KPNA6: variants seen among roughly 807,000 people sequenced by gnomAD.
KPNA6 encodes the protein importin subunit alpha-7.
In KPNA6, 9 loss-of-function variants were observed where a neutral mutation model predicts 72.0. That is an observed-to-expected ratio of 0.13 (90% CI 0.08 to 0.22). KPNA6 has a LOEUF of 0.22. Ranked by LOEUF, KPNA6 falls within the 10% of genes least tolerant of loss-of-function variation. KPNA6 has a pLI of 1.00. For synonymous variants in KPNA6, 219 were observed against 242.1 expected (o/e 0.90, Z 0.89); for missense variants, 374 against 655.7 (o/e 0.57, Z 4.69).
intron 10 of KPNA6, among the ~76,000 whole-genome samples, chr1:32,164,370 T>C (rs1286523973): frequency 1.3e-5 from 2 of 152,234 alleles, no homozygotes; most frequent in Non-Finnish European, 2.9e-5. Context: ...TACAAATATT[T>C]GTTCAAGTCC....
intron 10 of KPNA6, among the ~76,000 whole-genome samples, chr1:32,164,556 GT>G (rs1163309764): frequency 6.9e-6 from 1 of 145,608 alleles, no homozygotes; most frequent in Non-Finnish European, 1.5e-5. Context: ...TCCGTTTTTT[GT>G]TTTTTGTTTT....
At chr1:32,125,499 C>T (rs1236746492) in intron 1 of KPNA6, among the ~76,000 whole-genome samples, 3 of 152,222 alleles carry the variant, frequency 2.0e-5, no homozygotes, top group Non-Finnish European at 2.9e-5. Context: ...TCCCCAGTCA[C>T]GGCCATCTGG....
At chr1:32,164,624 T>A (rs987800471) in intron 10 of KPNA6, among the ~76,000 whole-genome samples, 1 of 152,026 alleles carries the variant, frequency 6.6e-6, no homozygotes, top group Non-Finnish European at 1.5e-5. Context: ...GTGGTTTTGA[T>A]TTGCATTTTT....
intron 1 of KPNA6, among the ~76,000 whole-genome samples, chr1:32,123,028 A>G (rs566663664): frequency 1.3e-5 from 2 of 151,924 alleles, no homozygotes; most frequent in African/African-American, 2.4e-5. Flanking sequence ...TATAATGTCT[A>G]GGCAAGAGAT....
Position 32,115,083 on chromosome 1 carries a change from G to A in KPNA6, c.4+6949G>A, listed in dbSNP as rs186945456. Among the ~76,000 whole-genome samples, 394 of 151,618 alleles carry A rather than the reference G, an allele frequency of 2.6e-3. 1 individual carries two copies. Among genetic ancestry groups the A allele is most frequent in the African/African-American group, 9.3e-3 (385 of 41,342 alleles). ...TCGAACTCCTGACCTCAAGTGATCCGCCCACCTCAGCCTCCCAAAGTGCTG... is the reference window on the plus strand; with the variant it reads ...TCGAACTCCTGACCTCAAGTGATCCACCCACCTCAGCCTCCCAAAGTGCTG... On this transcript the variant is annotated intron_variant, in intron 1 of 13. Transcript: ENST00000373625.
intron 1 of KPNA6, among the ~76,000 whole-genome samples, chr1:32,129,745 T>A (rs1641604220): frequency 6.6e-6 from 1 of 152,088 alleles, no homozygotes; most frequent in Non-Finnish European, 1.5e-5. Flanking sequence ...TTATTTTTAG[T>A]AGAGACGAGG....
intron 1 of KPNA6, among the ~76,000 whole-genome samples, chr1:32,109,114 C>T (rs1641199005): frequency 6.6e-6 from 1 of 152,120 alleles, no homozygotes; most frequent in African/African-American, 2.4e-5. Flanking sequence ...AGTAACTTAC[C>T]CAAGGTCATG....
Position 32,167,287 on chromosome 1 carries a change from A to G in KPNA6, c.1235A>G (p.Glu412Gly). The change falls in exon 12 of 14, where the codon GAG becomes GGG. Residue 412 changes from glutamate (E) to glycine (G), a missense_variant. Physicochemically the swap from Glu to Gly is moderately conservative, Grantham distance 98. Coordinates refer to ENST00000373625, the MANE Select transcript of KPNA6 (RefSeq NM_012316.5). ...AATGCCACATCAGGAGGAACCCCTG[A>G]GCAGATCAGGTATTACATTCCTTTC... Reference protein sequence around the residue: ...ITNATSGGTPEQIRYLVSLGC... With the variant: ...ITNATSGGTPGQIRYLVSLGC... The G allele has an allele frequency of 6.2e-7, 1 of 1,614,074 alleles. No individual in the cohort carries two copies. The highest frequency in any genetic ancestry group is 2.2e-5 in the East Asian group (1 of 44,862).
In KPNA6 at chr1:32,108,203, G is replaced by A. The variant is rs374492380; in HGVS notation, c.4+69G>A. On this transcript the variant is annotated intron_variant, in intron 1 of 13. Coordinates refer to ENST00000373625, the MANE Select transcript of KPNA6 (RefSeq NM_012316.5). ...TGTCGGGGCCTGGGATTTGGCGAGA[G>A]CCTGTCTCCGGTCTGCGGAAGATGT... 41 of 1,604,122 alleles carry A rather than the reference G, an allele frequency of 2.6e-5. No homozygotes were observed. The African/African-American group carries it at 5.1e-4, about 20-fold the overall frequency.
chr1:32,155,024 T>G (rs184680060), intron 2 of KPNA6, among the ~76,000 whole-genome samples: 2 of 147,706 alleles, frequency 1.4e-5, no homozygotes, highest in Non-Finnish European at 3.0e-5. Context: ...AGCAGGAGAA[T>G]TGCTTGAACC....
chr1:32,122,605 C>T (rs912659151), intron 1 of KPNA6, among the ~76,000 whole-genome samples: 5 of 151,824 alleles, frequency 3.3e-5, no homozygotes, highest in East Asian at 1.9e-4. Flanking sequence ...TGCAACTTAG[C>T]GAGACCCTTT....
chr1:32,173,208 C>A lies in KPNA6; in HGVS notation c.*2314C>A. On this transcript the variant is annotated 3_prime_UTR_variant, in exon 14 of 14. Transcript: ENST00000373625. ...AAAAAAAAAAAAGCCTTCCCCTACC[C>A]AACCTCCGCCCATTGTTCTCTTCCA... The A allele has an allele frequency of 5.1e-6, 2 of 392,828 alleles. No individual in the cohort carries two copies. Among genetic ancestry groups the A allele is most frequent in the South Asian group, 2.6e-4 (2 of 7,638 alleles). 24.3% of individuals were successfully genotyped at this position (392,828 alleles called of 1,614,324 possible).
Position 32,169,776 on chromosome 1 carries a change from TA to T in KPNA6, c.1245-99del, listed in dbSNP as rs547557508. On this transcript the variant is annotated intron_variant, in intron 12 of 13. Coordinates refer to ENST00000373625, the MANE Select transcript of KPNA6 (RefSeq NM_012316.5). ...CGCTCGGCCTCACAATTCTTAAAAA[TA>T]AAAAAATAAATTAGTAAGAGTGGGT... 1.8e-4 allele frequency: 194 copies of T among 1,073,936 alleles called. No homozygotes were observed. The African/African-American group carries it at 2.7e-3, about 15-fold the overall frequency. The allele number at this position is 1,073,936 out of a possible 1,614,324, so 66.5% of individuals were successfully genotyped here.
rs775370186 is a variant in KPNA6 at position 32,167,175 on chromosome 1, A to G, written c.1123A>G (p.Ile375Val). ...AGNRAQIQAVIDANIFPVLIE... is the reference protein window; with the variant it reads ...AGNRAQIQAVVDANIFPVLIE... ...CCTCTCAATTCTCTCTCAGGCTGTT[A>G]TAGATGCAAATATCTTCCCTGTGTT... is the stretch of plus-strand genomic sequence containing the variant. Residue 375 changes from isoleucine to valine, a missense_variant, in exon 12 of 14, where the codon ATA (isoleucine) becomes GTA (valine). Around this residue, in one of 3 missense-constraint regions of KPNA6, gnomAD observed 298 missense variants for 495.4 expected, o/e 0.60. Coordinates refer to ENST00000373625, the MANE Select transcript of KPNA6 (RefSeq NM_012316.5). 54 of 1,613,822 alleles carry G rather than the reference A, an allele frequency of 3.3e-5. No homozygotes were observed. Among genetic ancestry groups the G allele is most frequent in the Non-Finnish European group, 4.5e-5 (53 of 1,179,902 alleles).
chr1:32,116,065 C>A (rs950557147), intron 1 of KPNA6, among the ~76,000 whole-genome samples: 1 of 152,112 alleles, frequency 6.6e-6, no homozygotes, highest in Admixed American at 6.6e-5. Flanking sequence ...ATGAACCAGT[C>A]TCGTTAGAGC....
chr1:32,164,898 A>G (rs899413545), intron 10 of KPNA6, among the ~76,000 whole-genome samples: 7 of 151,732 alleles, frequency 4.6e-5, no homozygotes, highest in African/African-American at 1.7e-4. Context: ...CTTTTAACTT[A>G]TTTAATTTTT....
chr1:32,159,295 G>T, intron 5 of KPNA6, 105 bp from the exon 6 acceptor site: 3 of 1,275,644 alleles, frequency 2.4e-6, no homozygotes, highest in Non-Finnish European at 3.3e-6. Flanking sequence ...TTTTGTTTTG[G>T]TTTTTTAAAT....
chr1:32,145,514 G>A lies in KPNA6; in HGVS notation c.5-9074G>A, dbSNP rs188891016. Among the ~76,000 whole-genome samples the A allele has an allele frequency of 9.5e-3, 1,440 of 150,906 alleles. 19 individuals carry two copies. Among genetic ancestry groups the A allele is most frequent in the African/African-American group, 0.032 (1,325 of 41,114 alleles). Reference sequence around the variant, plus strand: ...TAATTTTTGTATTTTTAGTAGAGACGGGGTTTCATCATGTTGGCCAGGCTG... The same window carrying A: ...TAATTTTTGTATTTTTAGTAGAGACAGGGTTTCATCATGTTGGCCAGGCTG... On this transcript the variant is annotated intron_variant, in intron 1 of 13. Coordinates refer to ENST00000373625, the MANE Select transcript of KPNA6 (RefSeq NM_012316.5).
chr1:32,144,951 CTT>C (rs777173851), intron 1 of KPNA6, among the ~76,000 whole-genome samples: 11 of 136,436 alleles, frequency 8.1e-5, no homozygotes, highest in African/African-American at 8.0e-5. Context: ...TGGCCTAAAA[CTT>C]TTTTTTTTTT....
Sources: allele counts gnomAD v4.1 joint callset (sites outside exome capture counted in the v4.1 genomes callset), GRCh38; gene constraint gnomAD v4.1.1; regional missense constraint gnomAD v4.1.1; transcripts MANE v1.5; gene names NCBI Gene and HGNC (gene_info 2026-07-23, HGNC 2026-07-21).